Variants in STX3 observed in about 807,000 individuals in gnomAD.
STX3 encodes syntaxin 3.
Under a neutral mutation model 40.2 loss-of-function variants are expected in STX3, and 19 were observed. That is an observed-to-expected ratio of 0.47 (90% CI 0.33 to 0.69). The LOEUF (loss-of-function observed/expected upper bound fraction) is 0.69. Among genes scored for constraint, STX3 ranks in the 30% least tolerant of loss-of-function variants. The pLI is 0.02. For missense variants in STX3, 364 were observed against 366.7 expected (o/e 0.99, Z 0.06); for synonymous variants, 122 against 132.2 (o/e 0.92, Z 0.53).
intron 2 of STX3, among the ~76,000 whole-genome samples, chr11:59,774,878 A>G (rs1863870357): frequency 6.6e-6 from 1 of 152,242 alleles, no homozygotes; most frequent in African/African-American, 2.4e-5. Flanking sequence ...TGTTTGTAAC[A>G]CAGCATAGCA....
intron 1 of STX3, among the ~76,000 whole-genome samples, chr11:59,770,870 A>G (rs932485060): frequency 6.6e-6 from 1 of 152,156 alleles, no homozygotes; most frequent in African/African-American, 2.4e-5. Context: ...TTGAAAGAAG[A>G]CTAGGGAAGA....
At chr11:59,771,830 T>C (rs768840985) in intron 1 of STX3, among the ~76,000 whole-genome samples, 7 of 152,140 alleles carry the variant, frequency 4.6e-5, no homozygotes, top group Non-Finnish European at 1.0e-4. Flanking sequence ...TTGGATGATG[T>C]TACGTGGCAG....
intron 3 of STX3, among the ~76,000 whole-genome samples, chr11:59,787,771 A>G (rs1442728604): frequency 6.6e-6 from 1 of 152,206 alleles, no homozygotes; most frequent in Non-Finnish European, 1.5e-5. Context: ...TTTTCCTGAT[A>G]TCTGCCACTA....
intron 1 of STX3, among the ~76,000 whole-genome samples, chr11:59,769,825 T>C (rs1863477563): frequency 6.7e-6 from 1 of 148,274 alleles, no homozygotes; most frequent in Admixed American, 6.6e-5. Flanking sequence ...TCTTATAGTG[T>C]ACACGTGTGT....
At chr11:59,759,503 A>G (rs565868271) in intron 1 of STX3, among the ~76,000 whole-genome samples, 1 of 152,352 alleles carries the variant, frequency 6.6e-6, no homozygotes, top group Admixed American at 6.5e-5. Context: ...CATGTAGTAT[A>G]TGACAAGAGG....
intron 2 of STX3, among the ~76,000 whole-genome samples, chr11:59,773,585 A>G (rs1863779211): frequency 6.6e-6 from 1 of 152,226 alleles, no homozygotes; most frequent in South Asian, 2.1e-4. Context: ...TTTCTTGCTT[A>G]AAGTACATAA....
At chr11:59,756,359 A>C (rs186097469) in intron 1 of STX3, among the ~76,000 whole-genome samples, 1 of 152,324 alleles carries the variant, frequency 6.6e-6, no homozygotes, top group East Asian at 1.9e-4. Flanking sequence ...GATACAATGG[A>C]ACTTGATACA....
At chr11:59,785,145 C>T (rs950386164) in intron 2 of STX3, among the ~76,000 whole-genome samples, 1 of 152,164 alleles carries the variant, frequency 6.6e-6, no homozygotes, top group Non-Finnish European at 1.5e-5. Context: ...TATGTTTACA[C>T]TCCCATGATA....
At chr11:59,763,119 T>C (rs1174502830) in intron 1 of STX3, among the ~76,000 whole-genome samples, 2 of 152,226 alleles carry the variant, frequency 1.3e-5, no homozygotes, top group Non-Finnish European at 2.9e-5. Context: ...CAATAAATAC[T>C]GCCGGATGAA....
At chr11:59,787,890 C>T (rs768663109) in intron 3 of STX3, among the ~76,000 whole-genome samples, 1 of 152,160 alleles carries the variant, frequency 6.6e-6, no homozygotes, top group South Asian at 2.1e-4. Context: ...TCATTCCACT[C>T]TTTCATTTTT....
intron 10 of STX3, among the ~76,000 whole-genome samples, 156 bp downstream of exon 10, chr11:59,797,552 A>G (rs1865596493): frequency 6.6e-6 from 1 of 152,060 alleles, no homozygotes; most frequent in African/African-American, 2.4e-5. Flanking sequence ...TTATCTCCTT[A>G]TAGTTCTATT....
chr11:59,755,187 G>C (rs1862637161), upstream of STX3: 1 of 160,694 alleles, frequency 6.2e-6, no homozygotes, highest in South Asian at 2.0e-4. Flanking sequence ...GGATCCGCCG[G>C]TGCAGGGGCC....
chr11:59,794,508 C>A (rs1392731217), intron 8 of STX3, among the ~76,000 whole-genome samples: 4 of 152,188 alleles, frequency 2.6e-5, no homozygotes, highest in Admixed American at 6.5e-5. Context: ...GCTTTCCCCC[C>A]ATTCCCTACT....
At chr11:59,756,617 A>G (rs533794655) in intron 1 of STX3, among the ~76,000 whole-genome samples, 1 of 152,266 alleles carries the variant, frequency 6.6e-6, no homozygotes, top group East Asian at 1.9e-4. Flanking sequence ...CTAATTATTC[A>G]TCCATTTCCC....
In STX3 at chr11:59,787,049, CGG is replaced by C; in HGVS notation, c.128_129del (p.Arg43ProfsTer2). 1 of 1,613,932 alleles carries C rather than the reference CGG, an allele frequency of 6.2e-7. No individual in the cohort carries two copies. The highest frequency in any genetic ancestry group is 8.5e-7 in the Non-Finnish European group (1 of 1,179,868). ...TTTCTGATTATAGATTGAGGAAACT[CGG>C]CTTAACATTGACAAGATCTCAGAAC... is the stretch of plus-strand genomic sequence containing the variant. ...DEFFSEIEET[R>X]LNIDKISEHV... On this transcript the variant is annotated frameshift_variant, in exon 3 of 11. Coordinates refer to ENST00000337979, the MANE Select transcript of STX3 (RefSeq NM_004177.5). LOFTEE classifies it high-confidence loss of function.
Position 59,803,321 on chromosome 11 carries a change from G to T in STX3, c.*2497G>T. The T allele has an allele frequency of 8.1e-7, 1 of 1,227,000 alleles. No homozygotes were observed. Among genetic ancestry groups the T allele is most frequent in the Non-Finnish European group, 1.0e-6 (1 of 983,646 alleles). 76.0% of individuals were successfully genotyped at this position (1,227,000 alleles called of 1,614,324 possible). A position where few individuals can be genotyped will look rare whatever the true frequency, so the allele number is the denominator to read the frequency against. On this transcript the variant is annotated 3_prime_UTR_variant, in exon 11 of 11. Coordinates refer to ENST00000337979, the MANE Select transcript of STX3 (RefSeq NM_004177.5). ...AAAAGGTGAGCCATCTGTGGGGAGG[G>T]TCAGACCTTCTTTCACTGACTTGAA... is the stretch of plus-strand genomic sequence containing the variant.
chr11:59,761,889 A>G (rs1474881265), intron 1 of STX3, among the ~76,000 whole-genome samples: 1 of 152,092 alleles, frequency 6.6e-6, no homozygotes, highest in Non-Finnish European at 1.5e-5. Flanking sequence ...CAAAGATAGT[A>G]CAGAGAGTTC....
At chr11:59,794,648 T>A (rs1469403957) in intron 8 of STX3, among the ~76,000 whole-genome samples, 1 of 152,178 alleles carries the variant, frequency 6.6e-6, no homozygotes, top group East Asian at 1.9e-4. Flanking sequence ...TGCCATAAAG[T>A]GATAGAGTTG....
At chr11:59,796,241 A>G (rs1351873040) in intron 9 of STX3, among the ~76,000 whole-genome samples, 1 of 152,204 alleles carries the variant, frequency 6.6e-6, no homozygotes. Context: ...CCTAGTAAGT[A>G]GAGGCACTGG....
Sources: allele counts gnomAD v4.1 joint callset (sites outside exome capture counted in the v4.1 genomes callset), GRCh38; gene constraint gnomAD v4.1.1; transcripts MANE v1.5; gene names NCBI Gene and HGNC (gene_info 2026-07-23, HGNC 2026-07-21).